Variants in NUF2 observed in about 807,000 individuals in gnomAD.
NUF2 encodes NUF2 component of NDC80 kinetochore complex, also known as kinetochore protein Nuf2.
In NUF2, 34 loss-of-function variants were observed where a neutral mutation model predicts 61.8. The ratio of observed to expected loss-of-function variants is 0.55; its 90% CI spans 0.42 to 0.73. The LOEUF is 0.73. Ranked by LOEUF, NUF2 falls within the 30% of genes least tolerant of loss-of-function variation. The pLI, the probability that NUF2 is intolerant of heterozygous loss-of-function variation, is 0.00. For synonymous variants in NUF2, 172 were observed against 181.6 expected (o/e 0.95, Z 0.42); for missense variants, 445 against 539.1 (o/e 0.83, Z 1.73).
chr1:163,351,285 C>T (rs889143795), intron 13 of NUF2, among the ~76,000 whole-genome samples: 1 of 152,100 alleles, frequency 6.6e-6, no homozygotes, highest in African/African-American at 2.4e-5. Context: ...AGCATCTTGC[C>T]CTTGACTTAT....
At chr1:163,354,518 G>A (rs1651425527) in intron 13 of NUF2, among the ~76,000 whole-genome samples, 1 of 152,038 alleles carries the variant, frequency 6.6e-6, no homozygotes. Flanking sequence ...GTAAGTAGTA[G>A]CCAAAATTTT....
chr1:163,324,050 G>A (rs549081060), intron 1 of NUF2, among the ~76,000 whole-genome samples: 2 of 152,244 alleles, frequency 1.3e-5, no homozygotes, highest in South Asian at 4.1e-4. Flanking sequence ...TACATTTTAA[G>A]AAGACATTTA....
chr1:163,336,682 G>A, intron 5 of NUF2, 69 bp from the exon 6 acceptor site: 2 of 923,130 alleles, frequency 2.2e-6, no homozygotes, highest in Non-Finnish European at 3.6e-6. Context: ...TAGTGGAAGA[G>A]GATGAATTTT....
intron 8 of NUF2, among the ~76,000 whole-genome samples, chr1:163,340,001 A>T (rs1650887039): frequency 6.6e-6 from 1 of 152,200 alleles, no homozygotes; most frequent in Non-Finnish European, 1.5e-5. Flanking sequence ...ATCCAATCTG[A>T]AATATACGCT....
At chr1:163,352,405 C>T (rs191109526) in intron 13 of NUF2, among the ~76,000 whole-genome samples, 63 of 152,318 alleles carry the variant, frequency 4.1e-4, no homozygotes, top group Non-Finnish European at 5.9e-5. Context: ...ATTCTCAATA[C>T]TACACTTTCT....
chr1:163,323,651 C>G (rs930383134), intron 1 of NUF2, among the ~76,000 whole-genome samples: 5 of 151,722 alleles, frequency 3.3e-5, no homozygotes, highest in African/African-American at 1.2e-4. Flanking sequence ...CCTGGGAGGT[C>G]GAGGCTGCAG....
In NUF2 at chr1:163,322,005, T is replaced by C. The variant is rs1357939254; in HGVS notation, c.-228T>C. 1 of 152,296 alleles carries C rather than the reference T, an allele frequency of 6.6e-6. No individual in the cohort carries two copies. Among genetic ancestry groups the C allele is most frequent in the East Asian group, 1.9e-4 (1 of 5,174 alleles). 9.4% of individuals were successfully genotyped at this position (152,296 alleles called of 1,614,324 possible). A position where few individuals can be genotyped will look rare whatever the true frequency, so the allele number is the denominator to read the frequency against. ...GATGACGGTTGACGTTTGCTGATTT[T>C]TGACTTTGCTTGTAGCTGCTCCCCG... On this transcript the variant is annotated 5_prime_UTR_variant, in exon 1 of 14. Transcript: ENST00000271452.
chr1:163,353,884 C>T (rs1428951339), intron 13 of NUF2, among the ~76,000 whole-genome samples: 2 of 152,024 alleles, frequency 1.3e-5, no homozygotes, highest in Non-Finnish European at 2.9e-5. Flanking sequence ...GAGAGTGTTA[C>T]TTGTTCTCGG....
rs1267613040 is a variant in NUF2 at position 163,355,484 on chromosome 1, T to C, written c.*15T>C. On this transcript the variant is annotated 3_prime_UTR_variant, in exon 14 of 14. Transcript: ENST00000271452. ...TGTCAACCTGATTAACAAAATTACA[T>C]GTCTTTTTGTAAATGGCTTGCCATC... 1 of 1,573,910 alleles carries C rather than the reference T, an allele frequency of 6.4e-7. No homozygotes were observed. Among genetic ancestry groups the C allele is most frequent in the Non-Finnish European group, 8.6e-7 (1 of 1,163,298 alleles).
intron 5 of NUF2, among the ~76,000 whole-genome samples, chr1:163,331,519 T>C (rs1388415411): frequency 6.6e-6 from 1 of 152,060 alleles, no homozygotes; most frequent in East Asian, 1.9e-4. Flanking sequence ...TCTCATACAA[T>C]ACATTTGGAA....
In NUF2 at chr1:163,339,452, T is replaced by TA. The variant is rs1220253295; in HGVS notation, c.584dup (p.Asn195LysfsTer31). 1.2e-6 allele frequency: 2 copies of TA among 1,611,098 alleles called. No individual in the cohort carries two copies. Among genetic ancestry groups the TA allele is most frequent in the Admixed American group, 1.7e-5 (1 of 59,946 alleles). ...GGAATTCAGGAGCTACAACAATCAC[T>TA]AAATCAGGATTTTCATCAAAAAACG... On this transcript the variant is annotated frameshift_variant, in exon 8 of 14. Coordinates refer to ENST00000271452, the MANE Select transcript of NUF2 (RefSeq NM_145697.3). LOFTEE classifies it high-confidence loss of function.
chr1:163,355,711 G>A lies in NUF2; in HGVS notation c.*242G>A, dbSNP rs1327747817. ...CTGCCCCTTGTTGTAAATAGTTTGA[G>A]TAAAACAAAACTAGTTACCTTTGAA... On this transcript the variant is annotated 3_prime_UTR_variant, in exon 14 of 14. Coordinates refer to ENST00000271452, the MANE Select transcript of NUF2 (RefSeq NM_145697.3). 1.2e-5 allele frequency: 3 copies of A among 253,454 alleles called. No individual in the cohort carries two copies. The highest frequency in any genetic ancestry group is 2.2e-5 in the African/African-American group (1 of 44,694). The allele number at this position is 253,454 out of a possible 1,614,324, so 15.7% of individuals were successfully genotyped here.
chr1:163,339,763 G>A (rs1352217085), intron 8 of NUF2, among the ~76,000 whole-genome samples: 1 of 151,984 alleles, frequency 6.6e-6, no homozygotes, highest in East Asian at 1.9e-4. Context: ...TGGCACCCTG[G>A]ATACTGCAGT....
intron 1 of NUF2, among the ~76,000 whole-genome samples, chr1:163,325,599 C>T (rs1458001758): frequency 1.3e-5 from 2 of 152,114 alleles, no homozygotes; most frequent in African/African-American, 4.8e-5. Context: ...AAACTGAATA[C>T]AATTTTTTAT....
chr1:163,327,543 G>T lies in NUF2; in HGVS notation c.179G>T (p.Arg60Leu). ...GCCTTACAAATAGTATATGGAATTCGACTGGAACATTTTTACATGGTGAGT... is the reference window on the plus strand; with the variant it reads ...GCCTTACAAATAGTATATGGAATTCTACTGGAACATTTTTACATGGTGAGT... ...MRALQIVYGI[R>L]LEHFYMMPVN... Residue 60 changes from arginine (R) to leucine (L), a missense_variant, in exon 3 of 14, where the codon CGA becomes CTA. Physicochemically the swap from Arg to Leu is moderately radical, Grantham distance 102. Coordinates refer to ENST00000271452, the MANE Select transcript of NUF2 (RefSeq NM_145697.3). The T allele has an allele frequency of 1.9e-6, 3 of 1,609,032 alleles. No homozygotes were observed. The highest frequency in any genetic ancestry group is 2.6e-6 in the Non-Finnish European group (3 of 1,175,678).
chr1:163,343,808 G>A lies in NUF2; in HGVS notation c.745G>A (p.Glu249Lys). 2 of 1,444,370 alleles carry A rather than the reference G, an allele frequency of 1.4e-6. No homozygotes were observed. The highest frequency in any genetic ancestry group is 1.8e-6 in the Non-Finnish European group (2 of 1,087,740). 89.5% of individuals were successfully genotyped at this position (1,444,370 alleles called of 1,614,324 possible). Residue 249 changes from glutamate to lysine, a missense_variant, in exon 10 of 14, where the codon GAG becomes AAG. Physicochemically the swap from Glu to Lys is moderately conservative, Grantham distance 56 (BLOSUM62 1). Coordinates refer to ENST00000271452, the MANE Select transcript of NUF2 (RefSeq NM_145697.3). ...GAAAACAAAAATTGTGGATTCTCCA[G>A]AGAAGTTAAAGAATTATAAAGAAAA... ...SLKTKIVDSP[E>K]KLKNYKEKMK... is the part of the protein sequence containing the mutation.
chr1:163,334,201 T>A (rs1455625438), intron 5 of NUF2, among the ~76,000 whole-genome samples: 4 of 152,224 alleles, frequency 2.6e-5, no homozygotes, highest in Non-Finnish European at 5.9e-5. Flanking sequence ...ACCACATTTT[T>A]AAAATCCAAT....
intron 5 of NUF2, among the ~76,000 whole-genome samples, chr1:163,334,952 G>GT (rs201732124): frequency 0.042 from 5,240 of 125,208 alleles, 182 homozygotes; most frequent in African/African-American, 0.094. Flanking sequence ...GTCTTGTTTT[G>GT]TTTTTTTTGT....
intron 13 of NUF2, 100 bp downstream of exon 13, chr1:163,349,180 CTT>C (rs1651230986): frequency 1.1e-6 from 1 of 911,372 alleles, no homozygotes; most frequent in South Asian, 1.8e-5. Context: ...TGTAATGAGA[CTT>C]TTAATGATAC....
Sources: gnomAD v4.1 joint callset for allele counts (sites outside exome capture counted in the v4.1 genomes callset) on GRCh38, gnomAD v4.1.1 for gene constraint, MANE v1.5 for transcripts, NCBI Gene and HGNC (gene_info 2026-07-23, HGNC 2026-07-21) for gene names.